The following SMOC1 variants were observed in gnomAD, a reference collection of about 807,000 sequenced individuals.
SMOC1 encodes the protein SPARC related modular calcium binding 1, also known as SPARC-related modular calcium-binding protein 1.
Under a neutral mutation model 56.3 loss-of-function variants are expected in SMOC1, and 22 were observed. The observed-to-expected ratio is 0.39, with a 90% CI of 0.28 to 0.56. SMOC1 has a LOEUF of 0.56. Among genes scored for constraint, SMOC1 ranks in the 20% least tolerant of loss-of-function variants. The pLI is 0.61. For synonymous variants in SMOC1, 193 were observed against 215.0 expected (o/e 0.90, Z 0.89); for missense variants, 509 against 565.4 (o/e 0.90, Z 1.01).
intron 1 of SMOC1, among the ~76,000 whole-genome samples, chr14:69,888,062 A>G (rs1402898247): frequency 6.6e-6 from 1 of 152,146 alleles, no homozygotes; most frequent in African/African-American, 2.4e-5. Context: ...TATTGCTGCT[A>G]GTGGTAGAGG....
At chr14:69,951,075 G>A (rs7148591) in intron 1 of SMOC1, among the ~76,000 whole-genome samples, 12,722 of 152,136 alleles carry the variant, frequency 0.084, 1,864 homozygotes, top group African/African-American at 0.29. Flanking sequence ...GCCTGGGTTG[G>A]TTGGGCATTT....
intron 5 of SMOC1, 107 bp downstream of exon 5, chr14:69,978,072 C>G (rs916265948): frequency 2.3e-6 from 2 of 878,870 alleles, no homozygotes; most frequent in Non-Finnish European, 3.9e-6. Flanking sequence ...TAAGGTGTCC[C>G]GCAGAACATC....
chr14:69,926,580 T>A (rs907097052), intron 1 of SMOC1, among the ~76,000 whole-genome samples: 2 of 152,202 alleles, frequency 1.3e-5, no homozygotes, highest in Non-Finnish European at 2.9e-5. Context: ...GAGGATCAAG[T>A]GGTCTTTTGT....
At chr14:69,906,963 T>A (rs904682412) in intron 1 of SMOC1, among the ~76,000 whole-genome samples, 1 of 152,064 alleles carries the variant, frequency 6.6e-6, no homozygotes, top group Non-Finnish European at 1.5e-5. Context: ...AGAGAGAGAT[T>A]TGAGAAGAGA....
intron 1 of SMOC1, chr14:69,885,307 A>G: frequency 1.9e-6 from 2 of 1,030,538 alleles, no homozygotes; most frequent in South Asian, 2.0e-5. Flanking sequence ...TATTTTAATT[A>G]TTTTTATGTA....
intron 10 of SMOC1, among the ~76,000 whole-genome samples, chr14:70,019,392 A>G (rs778407618): frequency 3.9e-5 from 6 of 152,246 alleles, no homozygotes; most frequent in African/African-American, 7.2e-5. Flanking sequence ...GTACCTACCC[A>G]GTGAGCCCTT....
intron 7 of SMOC1, among the ~76,000 whole-genome samples, chr14:70,004,006 G>T (rs1182458457): frequency 6.6e-6 from 1 of 151,948 alleles, no homozygotes; most frequent in Non-Finnish European, 1.5e-5. Flanking sequence ...TTCTACTCAG[G>T]ATCCTGCTTT....
At chr14:69,924,956 G>A (rs1237945716) in intron 1 of SMOC1, among the ~76,000 whole-genome samples, 1 of 50,012 alleles carries the variant, frequency 2.0e-5, no homozygotes, top group Non-Finnish European at 4.4e-5. Flanking sequence ...GGAGGTAGGG[G>A]AGCTAGGGGA....
intron 10 of SMOC1, among the ~76,000 whole-genome samples, chr14:70,022,671 C>T (rs1014897178): frequency 6.6e-6 from 1 of 152,234 alleles, no homozygotes; most frequent in Admixed American, 6.5e-5. Context: ...ACTATTTTCA[C>T]CTTTTTGGCT....
chr14:69,932,312 G>C (rs913745655), intron 1 of SMOC1, among the ~76,000 whole-genome samples: 4 of 152,348 alleles, frequency 2.6e-5, no homozygotes, highest in African/African-American at 9.6e-5. Flanking sequence ...TTGCTGTTTT[G>C]CTGTAGAATG....
chr14:69,956,641 A>C (rs535785473), intron 3 of SMOC1, among the ~76,000 whole-genome samples: 1 of 152,188 alleles, frequency 6.6e-6, no homozygotes, highest in African/African-American at 2.4e-5. Flanking sequence ...TTTGTCTGGC[A>C]TGGGACACAG....
intron 4 of SMOC1, among the ~76,000 whole-genome samples, chr14:69,976,816 C>T (rs1257725319): frequency 6.6e-6 from 1 of 152,136 alleles, no homozygotes; most frequent in Non-Finnish European, 1.5e-5. Context: ...ATGCTAAAAC[C>T]GATGGGAAAT....
chr14:70,011,051 G>A (rs1885318341), intron 8 of SMOC1, 105 bp downstream of exon 8: 4 of 1,319,412 alleles, frequency 3.0e-6, no homozygotes. Context: ...ATGAGTGCCT[G>A]GGAGAGCCAT....
intron 6 of SMOC1, 100 bp from the exon 7 acceptor site, chr14:69,994,300 T>C: frequency 1.0e-6 from 1 of 962,972 alleles, no homozygotes; most frequent in Non-Finnish European, 1.7e-6. Flanking sequence ...CCTCAATGCC[T>C]CAGACTTTGA....
rs191308874 is a variant in SMOC1, at chr14:70,028,049, G to C, written c.1292-2193G>C. On this transcript the variant is annotated intron_variant, in intron 11 of 11. Transcript: ENST00000361956. ...CTAGGTGGGGACAGAAGCTGGCTGG[G>C]GGAAGGATGCCGAGCTTGGGGACCA... 1.3e-3 allele frequency among the ~76,000 whole-genome samples: 197 copies of C among 152,274 alleles called. 1 individual carries two copies. Among genetic ancestry groups the C allele is most frequent in the Non-Finnish European group, 1.3e-3 (87 of 68,024 alleles).
chr14:69,957,009 C>T (rs1308258357), intron 3 of SMOC1, among the ~76,000 whole-genome samples: 27 of 152,186 alleles, frequency 1.8e-4, no homozygotes, highest in Admixed American at 1.8e-3. Context: ...ATCCTTGAGA[C>T]GTGGAATTTA....
intron 7 of SMOC1, among the ~76,000 whole-genome samples, chr14:70,007,860 T>A (rs1044472172): frequency 6.6e-6 from 1 of 152,212 alleles, no homozygotes; most frequent in Non-Finnish European, 1.5e-5. Flanking sequence ...TTATTAGTTG[T>A]AAAGATGATT....
rs564154178 is a variant in SMOC1 at position 69,956,448 on chromosome 14, C to A, written c.378+2916C>A. Among the ~76,000 whole-genome samples, 1,262 of 130,798 alleles carry A rather than the reference C, an allele frequency of 9.6e-3. 24 individuals are homozygous for A. Among genetic ancestry groups the A allele is most frequent in the African/African-American group, 0.034 (1,202 of 35,266 alleles). The allele number at this position is 130,798 out of a possible 152,430, so 85.8% of individuals were successfully genotyped here. A position where few individuals can be genotyped will look rare whatever the true frequency, so the allele number is the denominator to read the frequency against. On this transcript the variant is annotated intron_variant, in intron 3 of 11. Transcript: ENST00000361956. Reference sequence around the variant, plus strand: ...CTCCAACCTCCATCACTTAGCTGGGCTTTTTTTTTTTTTTTTTTCTCCTAA... The same window carrying A: ...CTCCAACCTCCATCACTTAGCTGGGATTTTTTTTTTTTTTTTTTCTCCTAA...
chr14:69,975,110 G>A (rs541099457), intron 3 of SMOC1, among the ~76,000 whole-genome samples: 6 of 152,244 alleles, frequency 3.9e-5, no homozygotes, highest in African/African-American at 7.2e-5. Flanking sequence ...TTGGGAGGCC[G>A]AGGCAGGTGA....
Sources: gnomAD v4.1 joint callset for allele counts (sites outside exome capture counted in the v4.1 genomes callset) on GRCh38, gnomAD v4.1.1 for gene constraint, MANE v1.5 for transcripts, NCBI Gene and HGNC (gene_info 2026-07-23, HGNC 2026-07-21) for gene names.